Variants in CRACDL observed in about 807,000 individuals in gnomAD.
The protein encoded by CRACDL is CRACD like.
Under a neutral mutation model 70.6 loss-of-function variants are expected in CRACDL, and 26 were observed. That is an observed-to-expected ratio of 0.37 (90% confidence interval 0.27 to 0.51). The LOEUF is 0.51. CRACDL is among the 20% of genes least tolerant of loss of function. CRACDL has a pLI of 0.94. For synonymous variants in CRACDL, 618 were observed against 615.2 expected (o/e 1.00, Z -0.07); for missense variants, 1,283 against 1,376.9 (o/e 0.93, Z 1.08).
chr2:98,859,035 T>C (rs1018666873), intron 1 of CRACDL, among the ~76,000 whole-genome samples: 1 of 152,212 alleles, frequency 6.6e-6, no homozygotes, highest in East Asian at 1.9e-4. Context: ...AATGTCTTCA[T>C]TGGTAAATCC....
intron 1 of CRACDL, among the ~76,000 whole-genome samples, chr2:98,922,249 C>T (rs946553512): frequency 2.0e-5 from 3 of 151,802 alleles, no homozygotes; most frequent in African/African-American, 7.3e-5. Flanking sequence ...GCCTGACCAA[C>T]ATGGTGAAGC....
chr2:98,806,175 G>A (rs1467744501), intron 7 of CRACDL, among the ~76,000 whole-genome samples: 2 of 152,246 alleles, frequency 1.3e-5, no homozygotes, highest in African/African-American at 2.4e-5. Context: ...ACTGATGTGA[G>A]TTTTTCCCAA....
intron 3 of CRACDL, among the ~76,000 whole-genome samples, chr2:98,836,952 G>A (rs1705812082): frequency 6.6e-6 from 1 of 152,042 alleles, no homozygotes; most frequent in African/African-American, 2.4e-5. Flanking sequence ...AGGCGTGGTG[G>A]CGGGTGCCTG....
intron 8 of CRACDL, among the ~76,000 whole-genome samples, chr2:98,796,644 A>T (rs1392353986): frequency 1.3e-5 from 2 of 152,244 alleles, no homozygotes; most frequent in Non-Finnish European, 2.9e-5. Context: ...CCCCACGCCT[A>T]CATGAGGGTC....
chr2:98,928,544 A>G (rs956863484), intron 1 of CRACDL, among the ~76,000 whole-genome samples: 1 of 152,110 alleles, frequency 6.6e-6, no homozygotes, highest in Non-Finnish European at 1.5e-5. Flanking sequence ...TGGCCTGGCC[A>G]TGTCTGGTCT....
intron 1 of CRACDL, among the ~76,000 whole-genome samples, chr2:98,918,092 G>C (rs1708708579): frequency 6.6e-6 from 1 of 152,114 alleles, no homozygotes; most frequent in East Asian, 1.9e-4. Flanking sequence ...AAAAGTGCAG[G>C]TATCTTTTTA....
At chr2:98,920,100 C>T (rs1313110277) in intron 1 of CRACDL, among the ~76,000 whole-genome samples, 2 of 152,056 alleles carry the variant, frequency 1.3e-5, no homozygotes, top group African/African-American at 4.8e-5. Flanking sequence ...AGTTATCCAC[C>T]CAGATTCTGG....
chr2:98,905,265 A>AG (rs35102905), intron 1 of CRACDL, among the ~76,000 whole-genome samples: 64,411 of 143,056 alleles, frequency 0.45, 15,444 homozygotes, highest in Admixed American at 0.6. Flanking sequence ...AAAAAAAAAA[A>AG]AGAGAGGCTG....
At chr2:98,907,877 G>C (rs957576345) in intron 1 of CRACDL, among the ~76,000 whole-genome samples, 1 of 152,160 alleles carries the variant, frequency 6.6e-6, no homozygotes, top group African/African-American at 2.4e-5. Flanking sequence ...ACTGCCAGGT[G>C]AACTACATAC....
chr2:98,871,432 C>T (rs904402738), intron 1 of CRACDL, among the ~76,000 whole-genome samples: 1 of 152,142 alleles, frequency 6.6e-6, no homozygotes, highest in African/African-American at 2.4e-5. Flanking sequence ...AATAGAGGGC[C>T]TGAGCAGCTA....
intron 1 of CRACDL, among the ~76,000 whole-genome samples, chr2:98,918,312 C>T (rs1265759313): frequency 2.0e-5 from 3 of 151,956 alleles, no homozygotes; most frequent in African/African-American, 2.4e-5. Flanking sequence ...GCGGGTGGAT[C>T]GCTTGAGTTC....
chr2:98,851,592 T>C (rs925178790), intron 1 of CRACDL, among the ~76,000 whole-genome samples: 5 of 152,180 alleles, frequency 3.3e-5, no homozygotes, highest in Non-Finnish European at 7.3e-5. Context: ...GGTTCTGCCA[T>C]CTACCCTGCA....
intron 3 of CRACDL, among the ~76,000 whole-genome samples, chr2:98,837,371 C>A (rs752568732): frequency 1.4e-4 from 22 of 151,904 alleles, no homozygotes; most frequent in Non-Finnish European, 2.5e-4. Context: ...AAGCCTGGGA[C>A]CCATCTCAGC....
At chr2:98,837,040 G>A (rs1354979956) in intron 3 of CRACDL, among the ~76,000 whole-genome samples, 3 of 149,660 alleles carry the variant, frequency 2.0e-5, no homozygotes, top group East Asian at 2.0e-4. Flanking sequence ...AGCCAAGATC[G>A]CGCCACCGCA....
chr2:98,933,364 A>G (rs1709130931), intron 1 of CRACDL, among the ~76,000 whole-genome samples: 1 of 152,192 alleles, frequency 6.6e-6, no homozygotes, highest in Admixed American at 6.5e-5. Context: ...GTAACGTGGA[A>G]AGACTGAGAG....
At chr2:98,821,768 G>A (rs1705039147) in intron 7 of CRACDL, 89 bp downstream of exon 7, 3 of 1,468,080 alleles carry the variant, frequency 2.0e-6, no homozygotes, top group African/African-American at 1.4e-5. Context: ...GTTTGTACCA[G>A]GAGCATTTGG....
Position 98,831,128 on chromosome 2 carries a change from C to T in CRACDL, c.540+1220G>A, listed in dbSNP as rs189982763. ...CTCCTCATCCTTTCTCCCTTCTGCT[C>T]GAGGCTGGAGAGCAGGCCTGGGTAG... On this transcript the variant is annotated intron_variant, in intron 5 of 9. Coordinates refer to ENST00000397899, the MANE Select transcript of CRACDL (RefSeq NM_207362.3). Among the ~76,000 whole-genome samples the T allele has an allele frequency of 3.5e-3, 534 of 152,312 alleles. 1 individual carries two copies. The highest frequency in any genetic ancestry group is 6.2e-3 in the Non-Finnish European group (423 of 68,024).
At chr2:98,907,700 T>C (rs1708447782) in intron 1 of CRACDL, among the ~76,000 whole-genome samples, 1 of 152,244 alleles carries the variant, frequency 6.6e-6, no homozygotes, top group South Asian at 2.1e-4. Flanking sequence ...ACCAAAGACC[T>C]GCACTGAGTG....
intron 1 of CRACDL, among the ~76,000 whole-genome samples, chr2:98,920,967 C>A (rs1161880998): frequency 1.3e-5 from 2 of 152,174 alleles, no homozygotes; most frequent in African/African-American, 4.8e-5. Flanking sequence ...AAGAAGTACT[C>A]CAGGAAGACA....
Sources: allele counts gnomAD v4.1 joint callset (sites outside exome capture counted in the v4.1 genomes callset), GRCh38; gene constraint gnomAD v4.1.1; transcripts MANE v1.5; gene names NCBI Gene and HGNC (gene_info 2026-07-23, HGNC 2026-07-21).